PLXNA4: variants seen among roughly 807,000 people sequenced by gnomAD.
PLXNA4 encodes plexin-A4.
Under a neutral mutation model 191.8 loss-of-function variants are expected in PLXNA4, and 44 were observed. The observed-to-expected ratio is 0.23, with a 90% CI of 0.18 to 0.29. PLXNA4 has a LOEUF of 0.29. PLXNA4 is among the 10% of genes least tolerant of loss of function. The pLI is 1.00. For synonymous variants in PLXNA4, 1,082 were observed against 1,009.5 expected (o/e 1.07, Z -1.36); for missense variants, 1,800 against 2,488.8 (o/e 0.72, Z 5.89).
At chr7:132,406,738 G>A (rs934870239) in intron 3 of PLXNA4, among the ~76,000 whole-genome samples, 1 of 152,164 alleles carries the variant, frequency 6.6e-6, no homozygotes, top group Non-Finnish European at 1.5e-5. Context: ...CACACAGGTT[G>A]TTAAGAGTGA....
At chr7:132,386,807 C>G (rs1805166102) in intron 3 of PLXNA4, among the ~76,000 whole-genome samples, 1 of 152,214 alleles carries the variant, frequency 6.6e-6, no homozygotes, top group Non-Finnish European at 1.5e-5. Flanking sequence ...AAAGACGGGA[C>G]ACTTTTGTGC....
In PLXNA4 at chr7:132,140,587, C is replaced by T. The variant is rs764061274; in HGVS notation, c.5438+12G>A. 3.7e-6 allele frequency: 6 copies of T among 1,612,826 alleles called. No individual in the cohort carries two copies. The South Asian group carries it at 6.6e-5, about 18-fold the overall frequency. ...AAGGGGCCCTGACTTGGCTCCGTGGCCCAGCACTCACCTCTCCACCCAATT... is the reference window on the plus strand; with the variant it reads ...AAGGGGCCCTGACTTGGCTCCGTGGTCCAGCACTCACCTCTCCACCCAATT... On this transcript the variant is annotated intron_variant, in intron 30 of 31. Transcript: ENST00000321063.
intron 1 of PLXNA4, among the ~76,000 whole-genome samples, chr7:132,524,139 G>C (rs951063455): frequency 6.6e-6 from 1 of 152,204 alleles, no homozygotes; most frequent in Non-Finnish European, 1.5e-5. Context: ...CCTGCAAAAA[G>C]CCCCATAGAG....
chr7:132,204,747 A>C (rs866223232), intron 10 of PLXNA4, among the ~76,000 whole-genome samples: 3 of 152,174 alleles, frequency 2.0e-5, no homozygotes, highest in Middle Eastern at 3.2e-3. Flanking sequence ...CTGGGCAGGG[A>C]CAGGTCTGCA....
chr7:132,626,699 T>A lies in PLXNA4; in HGVS notation c.-87+19229A>T, dbSNP rs145196168. On this transcript the variant is annotated intron_variant, in intron 2 of 4. Transcript: ENST00000378539. Reference sequence around the variant, plus strand: ...ATGAGCCAATTAAACCTCTTTTTTTTAATAAATTACCCAGTTCCAGGTATT... The same window carrying A: ...ATGAGCCAATTAAACCTCTTTTTTTAAATAAATTACCCAGTTCCAGGTATT... 6.8e-4 allele frequency among the ~76,000 whole-genome samples: 103 copies of A among 152,344 alleles called. 1 individual carries two copies. Among genetic ancestry groups the A allele is most frequent in the African/African-American group, 2.2e-3 (92 of 41,578 alleles).
intron 1 of PLXNA4, among the ~76,000 whole-genome samples, chr7:132,573,484 G>C (rs1802071439): frequency 6.6e-6 from 1 of 152,144 alleles, no homozygotes; most frequent in South Asian, 2.1e-4. Context: ...AGCCCCTTTA[G>C]CTCTCTCCCA....
intron 3 of PLXNA4, among the ~76,000 whole-genome samples, chr7:132,487,370 G>A (rs1364747740): frequency 6.6e-6 from 1 of 152,180 alleles, no homozygotes; most frequent in East Asian, 1.9e-4. Flanking sequence ...CATACTGCTT[G>A]CTGACTTATT....
Position 132,132,473 on chromosome 7 carries a change from C to CTT in PLXNA4, c.5589+575_5589+576insAA, listed in dbSNP as rs1563048405. 5.5e-3 allele frequency among the ~76,000 whole-genome samples: 290 copies of CTT among 53,022 alleles called. 5 individuals are homozygous for CTT. Among genetic ancestry groups the CTT allele is most frequent in the East Asian group, 6.9e-3 (11 of 1,592 alleles). 34.8% of individuals were successfully genotyped at this position (53,022 alleles called of 152,430 possible). A position where few individuals can be genotyped will look rare whatever the true frequency, so the allele number is the denominator to read the frequency against. ...TTCTGTTCTGTTCTGTTCTGCTCTG[C>CTT]TCTGCTCTGCTCTGCTCTATTCTTT... On this transcript the variant is annotated intron_variant, in intron 31 of 31. Coordinates refer to ENST00000321063, the MANE Select transcript of PLXNA4 (RefSeq NM_020911.2).
Position 132,508,885 on chromosome 7 carries a change from A to C in PLXNA4, c.-86-106T>G. ...AAAATGTTCTGCACACACTGAGCAG[A>C]ACTGCACTGGGGGGTGCTGGAGGCT... On this transcript the variant is annotated intron_variant, in intron 1 of 31. Transcript: ENST00000321063. The surrounding 1 kb of genome is among the most constrained non-coding windows in gnomAD (Gnocchi z 4.4). 8.6e-7 allele frequency: 1 copy of C among 1,162,722 alleles called. No individual in the cohort carries two copies. Among genetic ancestry groups the C allele is most frequent in the East Asian group, 2.7e-5 (1 of 37,640 alleles). 72.0% of individuals were successfully genotyped at this position (1,162,722 alleles called of 1,614,324 possible).
chr7:132,385,075 C>T, intron 3 of PLXNA4: 1 of 1,533,822 alleles, frequency 6.5e-7, no homozygotes, highest in Non-Finnish European at 8.8e-7. Context: ...AGGACATGAG[C>T]TATGATGTAT....
chr7:132,609,784 C>A (rs1412462097), intron 2 of PLXNA4, among the ~76,000 whole-genome samples: 1 of 152,204 alleles, frequency 6.6e-6, no homozygotes, highest in Non-Finnish European at 1.5e-5. Flanking sequence ...GGCTGCCCCC[C>A]ATTGGCAGTG....
At chr7:132,256,597 A>G (rs1261745978) in intron 4 of PLXNA4, among the ~76,000 whole-genome samples, 1 of 152,210 alleles carries the variant, frequency 6.6e-6, no homozygotes, top group African/African-American at 2.4e-5. Flanking sequence ...TCCAAACTTC[A>G]CTGAGCAACA....
At chr7:132,468,406 T>C (rs2117399095) in intron 3 of PLXNA4, among the ~76,000 whole-genome samples, 1 of 152,328 alleles carries the variant, frequency 6.6e-6, no homozygotes, top group Middle Eastern at 3.4e-3. Context: ...TTCCTAATAA[T>C]GTTATTACCT....
intron 3 of PLXNA4, among the ~76,000 whole-genome samples, chr7:132,381,790 C>T (rs1186045546): frequency 4.6e-5 from 7 of 152,168 alleles, no homozygotes; most frequent in Admixed American, 1.3e-4. Context: ...TAATGGAGAG[C>T]GCCAGGAGCC....
intron 25 of PLXNA4, among the ~76,000 whole-genome samples, chr7:132,155,138 G>A (rs1182939443): frequency 3.3e-5 from 5 of 152,180 alleles, no homozygotes; most frequent in Non-Finnish European, 5.9e-5. Context: ...GTGGAGTTCT[G>A]GGGGCTATTG....
chr7:132,174,943 A>C, intron 20 of PLXNA4, 23 bp from the exon 21 acceptor site: 1 of 1,612,864 alleles, frequency 6.2e-7, no homozygotes, highest in Non-Finnish European at 8.5e-7. Context: ...GAAGCCTGTG[A>C]GATGGCTGGA....
intron 4 of PLXNA4, among the ~76,000 whole-genome samples, chr7:132,278,727 T>C (rs566868449): frequency 3.3e-5 from 5 of 152,332 alleles, no homozygotes; most frequent in East Asian, 1.9e-4. Context: ...TTTAGAAAGA[T>C]AGTAATTAGT....
At chr7:132,644,424 C>T (rs1484418186) in intron 2 of PLXNA4, among the ~76,000 whole-genome samples, 1 of 152,202 alleles carries the variant, frequency 6.6e-6, no homozygotes, top group Non-Finnish European at 1.5e-5. Flanking sequence ...TGGTCGTGGC[C>T]TGTGTTCCTG....
intron 3 of PLXNA4, among the ~76,000 whole-genome samples, chr7:132,343,159 C>G (rs1173215496): frequency 1.3e-5 from 2 of 151,790 alleles, no homozygotes; most frequent in African/African-American, 4.8e-5. Context: ...AAGGAAGCTA[C>G]TTTGAAATAA....
Sources: gnomAD v4.1 joint callset for allele counts (sites outside exome capture counted in the v4.1 genomes callset) on GRCh38, gnomAD v4.1.1 for gene constraint, Gnocchi (gnomAD v3.1) non-coding constraint, MANE v1.5 for transcripts, NCBI Gene and HGNC (gene_info 2026-07-23, HGNC 2026-07-21) for gene names.